The following DNAH2 variants were observed in gnomAD, a reference collection of about 807,000 sequenced individuals.
DNAH2 encodes the protein dynein axonemal heavy chain 2, also known as axonemal beta dynein heavy chain 2.
DNAH2 carries 323 observed loss-of-function variants against 523.5 expected under a neutral mutation model. That is an observed-to-expected ratio of 0.62 (90% CI 0.56 to 0.68). The LOEUF is 0.68. DNAH2 is among the 30% of genes least tolerant of loss of function. The pLI, the probability that DNAH2 is intolerant of heterozygous loss-of-function variation, is 0.00. For synonymous variants in DNAH2, 2,093 were observed against 2,177.4 expected, an observed-to-expected ratio of 0.96 and a Z score of 1.08; for missense variants, 4,907 against 5,701.5, an observed-to-expected ratio of 0.86 and a Z score of 4.49.
chr17:7,799,069 G>A lies in DNAH2; in HGVS notation c.8560-34G>A, dbSNP rs762682501. ...CCCCCGCTGATTCTGCTATGGACAC[G>A]CCAGCCCTCTGACCCTGGGTGGCTT... On this transcript the variant is annotated intron_variant, in intron 55 of 85. Transcript: ENST00000572933. 8 of 1,611,422 alleles carry A rather than the reference G, an allele frequency of 5.0e-6. No homozygotes were observed. The South Asian group carries it at 5.5e-5, about 11-fold the overall frequency.
intron 72 of DNAH2, among the ~76,000 whole-genome samples, 162 bp downstream of exon 72, chr17:7,819,570 C>A (rs910636728): frequency 9.9e-5 from 15 of 152,220 alleles, no homozygotes; most frequent in Non-Finnish European, 1.0e-4. Flanking sequence ...TAACCATCAC[C>A]TGTGGGCTGA....
At chr17:7,766,295 G>A in intron 21 of DNAH2, 23 bp from the exon 22 acceptor site, 1 of 1,606,296 alleles carries the variant, frequency 6.2e-7, no homozygotes, top group Non-Finnish European at 8.5e-7. Flanking sequence ...GGGAAGCTGA[G>A]CTTCATCCTG....
At chr17:7,777,775 A>T in intron 33 of DNAH2, 141 bp downstream of exon 33, 1 of 1,092,252 alleles carries the variant, frequency 9.2e-7, no homozygotes, top group East Asian at 2.4e-5. Flanking sequence ...TCTTCCTTCC[A>T]TCTCCTCCCC....
chr17:7,754,975 A>C lies in DNAH2; in HGVS notation c.1905-2116A>C, dbSNP rs2075796323. 2.4e-6 allele frequency: 1 copy of C among 410,136 alleles called. No homozygotes were observed. The highest frequency in any genetic ancestry group is 7.2e-5 in the South Asian group (1 of 13,888). 25.4% of individuals were successfully genotyped at this position (410,136 alleles called of 1,614,324 possible). A position where few individuals can be genotyped will look rare whatever the true frequency, so the allele number is the denominator to read the frequency against. On this transcript the variant is annotated intron_variant, in intron 12 of 85. Coordinates refer to ENST00000572933, the MANE Select transcript of DNAH2 (RefSeq NM_020877.5). This position sits in a 1 kb window ranked among gnomAD's most constrained non-coding sequence, Gnocchi z 4.6. ...AAATAAGCCTGAGGCAGAAAAAAAAAAAAAAAGAATAGGCAGCCCAGGAAG... is the reference window on the plus strand; with the variant it reads ...AAATAAGCCTGAGGCAGAAAAAAAACAAAAAAGAATAGGCAGCCCAGGAAG...
Position 7,718,003 on chromosome 17 carries a change from G to A in DNAH2, c.-811G>A, listed in dbSNP as rs2074472971. ...AGAAGGGGCAGTTGTGACAGCTGGG[G>A]GGGAAGAGCCATTCTGAGGGGAAAT... On this transcript the variant is annotated 5_prime_UTR_variant, in exon 1 of 86. Coordinates refer to ENST00000572933, the MANE Select transcript of DNAH2 (RefSeq NM_020877.5). 6.6e-6 allele frequency: 1 copy of A among 151,268 alleles called. No homozygotes were observed. Among genetic ancestry groups the A allele is most frequent in the African/African-American group, 2.4e-5 (1 of 41,068 alleles). The allele number at this position is 151,268 out of a possible 1,614,324, so 9.4% of individuals were successfully genotyped here.
intron 12 of DNAH2, among the ~76,000 whole-genome samples, chr17:7,752,276 G>A (rs1246022118): frequency 2.7e-5 from 4 of 150,696 alleles, no homozygotes; most frequent in Admixed American, 6.6e-5. Flanking sequence ...TATCTACCTA[G>A]TCACAATTTT....
chr17:7,800,862 G>A lies in DNAH2; in HGVS notation c.8700-716G>A, dbSNP rs530846520. 5.2e-4 allele frequency among the ~76,000 whole-genome samples: 74 copies of A among 142,714 alleles called. 1 individual carries two copies. The highest frequency in any genetic ancestry group is 2.6e-3 in the Admixed American group (38 of 14,422). 93.6% of individuals were successfully genotyped at this position (142,714 alleles called of 152,430 possible). A position where few individuals can be genotyped will look rare whatever the true frequency, so the allele number is the denominator to read the frequency against. ...AGCCTGGGCGAGAGTGAAAGACTCC[G>A]TCTCAAAAAAAAAAAAAAATTTTTT... On this transcript the variant is annotated intron_variant, in intron 56 of 85. Transcript: ENST00000572933.
intron 4 of DNAH2, among the ~76,000 whole-genome samples, chr17:7,727,580 A>G (rs1355682476): frequency 6.6e-6 from 1 of 151,858 alleles, no homozygotes; most frequent in Non-Finnish European, 1.5e-5. Flanking sequence ...ACATGGTGAA[A>G]CCCCATCTCT....
At chr17:7,741,303 T>C (rs60822566) in intron 11 of DNAH2, among the ~76,000 whole-genome samples, 46,410 of 75,636 alleles carry the variant, frequency 0.61, 14,149 homozygotes, top group African/African-American at 0.73. Flanking sequence ...TCTTCCTTCC[T>C]TCCCTCCCTC....
chr17:7,790,445 C>T (rs2076866484), intron 44 of DNAH2, among the ~76,000 whole-genome samples: 1 of 152,212 alleles, frequency 6.6e-6, no homozygotes, highest in South Asian at 2.1e-4. Flanking sequence ...TGGTCTCAAA[C>T]TCCTGGACTC....
rs143744613 is a variant in DNAH2, at chr17:7,786,136, G to A, written c.6142G>A (p.Val2048Ile). 58 of 1,613,798 alleles carry A rather than the reference G, an allele frequency of 3.6e-5. No homozygotes were observed. In the African/African-American group the frequency reaches 3.7e-4, roughly 10 times the overall value. ...TCCCTTCCCTCAGCTGCGGGAGACC[G>A]TTGAGCAGGAGATTCGAGACATGGG... Reference protein sequence around the residue: ...VIDYGKLRETVEQEIRDMGLQ... With the variant: ...VIDYGKLRETIEQEIRDMGLQ... Residue 2048 changes from valine to isoleucine, a missense_variant, in exon 40 of 86, where the codon GTT (valine) becomes ATT (isoleucine). By Grantham distance (29) the Val-to-Ile change is conservative. This residue lies in a region of DNAH2 where 2,806 missense variants were observed against 3,190.8 expected (regional missense o/e 0.88). Transcript: ENST00000572933. The surrounding 1 kb of genome is among the most constrained non-coding windows in gnomAD (Gnocchi z 7.5).
chr17:7,792,701 G>A lies in DNAH2; in HGVS notation c.7190G>A (p.Arg2397His), dbSNP rs748934142. ...ATGGTGCCCACCGTCGACACTGTTC[G>A]CTACAACTACCTGGTGAGCAGCTTG... Reference protein sequence around the residue: ...KIMVPTVDTVRYNYLVSSLVA... With the variant: ...KIMVPTVDTVHYNYLVSSLVA... The change falls in exon 47 of 86, where the codon CGC (arginine) becomes CAC (histidine). Residue 2397 changes from arginine to histidine, a missense_variant. Transcript: ENST00000572933. The A allele has an allele frequency of 3.2e-5, 51 of 1,613,988 alleles. No individual in the cohort carries two copies. Among genetic ancestry groups the A allele is most frequent in the Admixed American group, 6.7e-5 (4 of 59,988 alleles).
chr17:7,722,189 G>GC (rs994212710), intron 2 of DNAH2, among the ~76,000 whole-genome samples: 406 of 10,616 alleles, frequency 0.038, 3 homozygotes, highest in African/African-American at 0.11. Context: ...TATAGAGACG[G>GC]GGGGGGGGGT....
chr17:7,735,271 C>A (rs1043433256), intron 7 of DNAH2, among the ~76,000 whole-genome samples: 1 of 151,998 alleles, frequency 6.6e-6, no homozygotes, highest in Non-Finnish European at 1.5e-5. Flanking sequence ...GCTGAGATTA[C>A]AGGTGCCCGC....
chr17:7,734,448 G>T lies in DNAH2; in HGVS notation c.740-22G>T, dbSNP rs991898433. The T allele has an allele frequency of 2.5e-6, 4 of 1,612,382 alleles. No individual in the cohort carries two copies. The East Asian group carries it at 8.9e-5, about 36-fold the overall frequency. ...GGAAGCAGTGTGAAGAAACGAAGGA[G>T]ATTTTGTACTCTCCCCTGCAGCCTC... On this transcript the variant is annotated intron_variant, in intron 6 of 85. Coordinates refer to ENST00000572933, the MANE Select transcript of DNAH2 (RefSeq NM_020877.5).
intron 48 of DNAH2, among the ~76,000 whole-genome samples, chr17:7,793,471 C>CTT (rs1555562871): frequency 7.6e-6 from 1 of 130,738 alleles, no homozygotes; most frequent in African/African-American, 2.6e-5. Context: ...TTCTTTCTTT[C>CTT]TTTCTTTCTT....
At chr17:7,795,669 T>TG (rs1427738339) in intron 49 of DNAH2, among the ~76,000 whole-genome samples, 1 of 106,810 alleles carries the variant, frequency 9.4e-6, no homozygotes, top group East Asian at 2.8e-4. Flanking sequence ...ATATATAATA[T>TG]TTATATATAT....
chr17:7,726,080 A>G (rs1023985943), intron 3 of DNAH2, among the ~76,000 whole-genome samples: 3 of 152,070 alleles, frequency 2.0e-5, no homozygotes, highest in African/African-American at 7.2e-5. Flanking sequence ...ATCTCGGGTC[A>G]CTGCAACCTC....
chr17:7,824,194 T>C lies in DNAH2; in HGVS notation c.11552T>C (p.Leu3851Pro). ...CCTGGTGTGGACCCCACCAGTGCCC[T>C]GCTGCAGCTGGCAGAGCACATGGGC... ...LSPGVDPTSA[L>P]LQLAEHMGMA... The change falls in exon 76 of 86, where the codon CTG becomes CCG. Residue 3851 changes from leucine (L) to proline (P), a missense_variant. Physicochemically the swap from Leu to Pro is moderately conservative, Grantham distance 98 (BLOSUM62 -3). Transcript: ENST00000572933. 6.2e-7 allele frequency: 1 copy of C among 1,606,016 alleles called. No individual in the cohort carries two copies. The highest frequency in any genetic ancestry group is 1.1e-5 in the South Asian group (1 of 90,686).
Sources: gnomAD v4.1 joint callset for allele counts (sites outside exome capture counted in the v4.1 genomes callset) on GRCh38, gnomAD v4.1.1 for gene constraint, gnomAD v4.1.1 regional missense constraint, Gnocchi (gnomAD v3.1) non-coding constraint, MANE v1.5 for transcripts, NCBI Gene and HGNC (gene_info 2026-07-23, HGNC 2026-07-21) for gene names.